OPCML: variants seen among roughly 807,000 people sequenced by gnomAD.
OPCML encodes opioid-binding protein/cell adhesion molecule.
In OPCML, 13 loss-of-function variants were observed where a neutral mutation model predicts 37.8. The observed-to-expected ratio is 0.34, with a 90% CI of 0.22 to 0.55. The LOEUF (loss-of-function observed/expected upper bound fraction) is 0.55, where lower values mean the gene tolerates loss of function less well. OPCML is among the 20% of genes least tolerant of loss of function. The probability of loss-of-function intolerance (pLI) is 0.91; values close to 1 mark genes in which losing one functional copy is unlikely to be tolerated. For synonymous variants in OPCML, 176 were observed against 168.8 expected (o/e 1.04, Z -0.33); for missense variants, 341 against 435.6 (o/e 0.78, Z 1.93).
intron 2 of OPCML, among the ~76,000 whole-genome samples, chr11:132,868,862 A>G (rs979806828): frequency 1.3e-5 from 2 of 152,174 alleles, no homozygotes; most frequent in Admixed American, 1.3e-4. Context: ...GCATGTGTCC[A>G]TGCACAAGTG....
chr11:133,399,478 A>G (rs1321964481), intron 1 of OPCML, among the ~76,000 whole-genome samples: 6 of 152,258 alleles, frequency 3.9e-5, no homozygotes, highest in African/African-American at 1.2e-4. Flanking sequence ...CAGCCTCCTC[A>G]TCACCATCAT....
chr11:133,510,755 C>T (rs1314419725), intron 1 of OPCML, among the ~76,000 whole-genome samples: 1 of 152,154 alleles, frequency 6.6e-6, no homozygotes, highest in Non-Finnish European at 1.5e-5. Flanking sequence ...ATGTAATCAT[C>T]TCCCTCACCT....
chr11:133,325,055 GTCC>G (rs1329962264), intron 1 of OPCML, among the ~76,000 whole-genome samples: 2 of 152,178 alleles, frequency 1.3e-5, no homozygotes, highest in Non-Finnish European at 2.9e-5. Context: ...GATGAAGCCT[GTCC>G]TCCTGGAGAG....
intron 1 of OPCML, among the ~76,000 whole-genome samples, chr11:133,196,442 C>T (rs1287755915): frequency 6.6e-6 from 1 of 152,172 alleles, no homozygotes; most frequent in South Asian, 2.1e-4. Context: ...TTCATCTTTT[C>T]AAAAGTGAGA....
intron 1 of OPCML, among the ~76,000 whole-genome samples, chr11:133,210,518 T>G (rs1939309250): frequency 6.6e-6 from 1 of 152,176 alleles, no homozygotes; most frequent in South Asian, 2.1e-4. Flanking sequence ...ATATGTATCA[T>G]GTATTTCTTT....
chr11:133,410,697 T>TTTGACG (rs1166463978), intron 1 of OPCML, among the ~76,000 whole-genome samples: 1 of 145,828 alleles, frequency 6.9e-6, no homozygotes, highest in African/African-American at 2.5e-5. Flanking sequence ...CATCAGCTCT[T>TTTGACG]TTGACGTTGC....
chr11:133,111,413 C>G (rs1300092066), intron 1 of OPCML, among the ~76,000 whole-genome samples: 2 of 152,220 alleles, frequency 1.3e-5, no homozygotes, highest in African/African-American at 4.8e-5. Flanking sequence ...CAAGATCACA[C>G]TCCCTGTGTC....
intron 1 of OPCML, among the ~76,000 whole-genome samples, chr11:133,133,121 G>A (rs1028228036): frequency 6.6e-6 from 1 of 152,136 alleles, no homozygotes; most frequent in Non-Finnish European, 1.5e-5. Flanking sequence ...TGCTTTGTTA[G>A]GACTCAGAAG....
intron 4 of OPCML, among the ~76,000 whole-genome samples, chr11:132,480,976 A>G (rs1296810506): frequency 2.0e-5 from 3 of 152,148 alleles, no homozygotes; most frequent in African/African-American, 7.2e-5. Context: ...GAGCAAAATA[A>G]CCAGCTAACA....
intron 1 of OPCML, among the ~76,000 whole-genome samples, chr11:133,277,655 T>C (rs1942030612): frequency 6.6e-6 from 1 of 152,098 alleles, no homozygotes. Flanking sequence ...TATGTATTCC[T>C]TTCAGATCCA....
chr11:132,680,397 A>G (rs1184335338), intron 2 of OPCML, among the ~76,000 whole-genome samples: 1 of 152,176 alleles, frequency 6.6e-6, no homozygotes, highest in Non-Finnish European at 1.5e-5. Context: ...GATTGGAGAG[A>G]AACCCACCCC....
intron 1 of OPCML, among the ~76,000 whole-genome samples, chr11:133,487,800 T>C (rs556860306): frequency 1.4e-5 from 2 of 147,338 alleles, no homozygotes; most frequent in African/African-American, 5.1e-5. Context: ...TGTGTGTGTG[T>C]GTGCGTGTGT....
At chr11:132,612,746 G>T (rs543212676) in intron 3 of OPCML, among the ~76,000 whole-genome samples, 74 of 152,296 alleles carry the variant, frequency 4.9e-4, no homozygotes, top group African/African-American at 1.8e-3. Flanking sequence ...GGATGAAGCT[G>T]AGAGAAGTGC....
At position 132,415,353 on chromosome 11, in the gene OPCML, T is replaced by C. The variant is rs1240393630; in HGVS notation, c.*4840A>G. On this transcript the variant is annotated 3_prime_UTR_variant, in exon 8 of 8. Transcript: ENST00000524381. ...TAATTTTTTTTTAAATCTAAAGGAC[T>C]CTGAACTTGACAGACACATTTTCGT... 2 of 152,378 alleles carry C rather than the reference T, an allele frequency of 1.3e-5. No homozygotes were observed. The highest frequency in any genetic ancestry group is 2.9e-5 in the Non-Finnish European group (2 of 68,030). The allele number at this position is 152,378 out of a possible 1,614,324, so 9.4% of individuals were successfully genotyped here. A position where few individuals can be genotyped will look rare whatever the true frequency, so the allele number is the denominator to read the frequency against.
chr11:132,732,690 C>T (rs772122823), intron 2 of OPCML, among the ~76,000 whole-genome samples: 1 of 152,070 alleles, frequency 6.6e-6, no homozygotes, highest in African/African-American at 2.4e-5. Flanking sequence ...GAAAGAAAGG[C>T]CCCAAATGGA....
intron 2 of OPCML, among the ~76,000 whole-genome samples, chr11:132,800,890 T>G (rs1327892363): frequency 1.3e-5 from 2 of 152,202 alleles, no homozygotes; most frequent in Non-Finnish European, 2.9e-5. Context: ...TTTTTTGGTG[T>G]TAGAGTAATA....
At chr11:133,247,226 C>T (rs1940955230) in intron 1 of OPCML, among the ~76,000 whole-genome samples, 1 of 152,124 alleles carries the variant, frequency 6.6e-6, no homozygotes, top group South Asian at 2.1e-4. Context: ...GAAGGGTGGG[C>T]TAGTGAGGGA....
chr11:133,070,058 T>C (rs965958709), intron 1 of OPCML, among the ~76,000 whole-genome samples: 1 of 152,122 alleles, frequency 6.6e-6, no homozygotes, highest in Non-Finnish European at 1.5e-5. Context: ...TCAATAAATA[T>C]GCAAAGCAAA....
At position 133,451,788 on chromosome 11, in the gene OPCML, G is replaced by C. The variant is rs376645595; in HGVS notation, c.61+80476C>G. Among the ~76,000 whole-genome samples, 165 of 151,350 alleles carry C rather than the reference G, an allele frequency of 1.1e-3. 8 individuals are homozygous for C. Among genetic ancestry groups the C allele is most frequent in the African/African-American group, 3.9e-3 (157 of 40,752 alleles). ...ACCCGGGAGGTGGAGGTTGCAGTGA[G>C]CTGAGACCACACCATTGCAGCCCAG... On this transcript the variant is annotated intron_variant, in intron 1 of 7. Transcript: ENST00000524381.
Sources: allele counts gnomAD v4.1 joint callset (sites outside exome capture counted in the v4.1 genomes callset), GRCh38; gene constraint gnomAD v4.1.1; transcripts MANE v1.5; gene names NCBI Gene and HGNC (gene_info 2026-07-23, HGNC 2026-07-21).